REEP1: variants seen among roughly 807,000 people sequenced by gnomAD.
The protein encoded by REEP1 is receptor expression-enhancing protein 1.
In REEP1, 22 loss-of-function variants were observed where a neutral mutation model predicts 40.3. The ratio of observed to expected loss-of-function variants is 0.55; its 90% confidence interval spans 0.39 to 0.78. The LOEUF (loss-of-function observed/expected upper bound fraction) is 0.78. Among genes scored for constraint, REEP1 ranks in the 30% least tolerant of loss-of-function variants. REEP1 has a pLI of 0.00. For synonymous variants in REEP1, 116 were observed against 139.2 expected (o/e 0.83, Z 1.17); for missense variants, 280 against 361.1 (o/e 0.78, Z 1.82).
Position 86,249,619 on chromosome 2 carries a change from A to T in REEP1, c.417+2338T>A, listed in dbSNP as rs183793815. The stretch of plus-strand genomic sequence containing the variant: ...GATTCAGCACATCTGAGAATCTATT[A>T]AAAAAAAAATAAAAAGCAAAGCTCT... On this transcript the variant is annotated intron_variant, in intron 5 of 8. Transcript: ENST00000538924. 4.2e-3 allele frequency among the ~76,000 whole-genome samples: 603 copies of T among 143,334 alleles called. 4 individuals carry two copies. Among genetic ancestry groups the T allele is most frequent in the African/African-American group, 0.016 (562 of 34,924 alleles). The allele number at this position is 143,334 out of a possible 152,430, so 94.0% of individuals were successfully genotyped here.
intron 5 of REEP1, among the ~76,000 whole-genome samples, chr2:86,237,502 T>C (rs1346108724): frequency 6.6e-6 from 1 of 152,162 alleles, no homozygotes; most frequent in Non-Finnish European, 1.5e-5. Flanking sequence ...ATTTTCTTTC[T>C]CTCTTTTTGT....
At chr2:86,269,646 C>T (rs921396963) in intron 2 of REEP1, among the ~76,000 whole-genome samples, 4 of 152,012 alleles carry the variant, frequency 2.6e-5, no homozygotes. Context: ...ACTGAATGGC[C>T]CCTTCCTCCC....
chr2:86,326,316 A>G (rs577092100), intron 1 of REEP1, among the ~76,000 whole-genome samples: 7 of 152,370 alleles, frequency 4.6e-5, no homozygotes, highest in African/African-American at 1.7e-4. Flanking sequence ...GAATCAATCA[A>G]TCAGTCTTGA....
rs1470472189 is a variant in REEP1, at chr2:86,215,586, C to CTGAA, written c.*1449_*1452dup. The CTGAA allele has an allele frequency of 1.3e-5, 2 of 152,598 alleles. No individual in the cohort carries two copies. Among genetic ancestry groups the CTGAA allele is most frequent in the East Asian group, 3.8e-4 (2 of 5,198 alleles). The allele number at this position is 152,598 out of a possible 1,614,324, so 9.5% of individuals were successfully genotyped here. A position where few individuals can be genotyped will look rare whatever the true frequency, so the allele number is the denominator to read the frequency against. ...GGTTGTGACCACTGCATGCATTACA[C>CTGAA]TGAAAGAAACACCAACTCGAAGCAC... On this transcript the variant is annotated 3_prime_UTR_variant, in exon 9 of 9. Coordinates refer to ENST00000538924, the MANE Select transcript of REEP1 (RefSeq NM_001371279.1).
chr2:86,312,731 G>C (rs765358156), intron 1 of REEP1, among the ~76,000 whole-genome samples: 1 of 152,122 alleles, frequency 6.6e-6, no homozygotes, highest in Non-Finnish European at 1.5e-5. Context: ...TACCCCATGG[G>C]GCTACAGTCA....
At chr2:86,231,682 T>G (rs1353654929) in intron 6 of REEP1, among the ~76,000 whole-genome samples, 2 of 151,940 alleles carry the variant, frequency 1.3e-5, no homozygotes, top group Admixed American at 6.5e-5. Context: ...GAGGCAGAAG[T>G]GGTGATCCAG....
chr2:86,329,024 C>T (rs892697216), intron 1 of REEP1, among the ~76,000 whole-genome samples: 1 of 152,162 alleles, frequency 6.6e-6, no homozygotes, highest in Non-Finnish European at 1.5e-5. Flanking sequence ...GTCACACAGA[C>T]TTGAAGGATG....
In REEP1 at chr2:86,252,073, G is replaced by A. The variant is rs1676314210; in HGVS notation, c.304-3C>T. On this transcript the variant is annotated splice_region_variant and splice_polypyrimidine_tract_variant and intron_variant, in intron 4 of 8. Transcript: ENST00000538924. The stretch of plus-strand genomic sequence containing the variant: ...TGGACCAGACAATCATCGATTTCCT[G>A]TCAAAGGAAAAACAGAGGCACACTG... 1 of 1,602,914 alleles carries A rather than the reference G, an allele frequency of 6.2e-7. No individual in the cohort carries two copies.
chr2:86,227,254 A>G, intron 7 of REEP1, 109 bp downstream of exon 7: 1 of 870,056 alleles, frequency 1.1e-6, no homozygotes, highest in Non-Finnish European at 1.5e-6. Context: ...ACCCCTCCCT[A>G]TGACCATGCA....
At chr2:86,307,043 A>G (rs1407808820) in intron 1 of REEP1, among the ~76,000 whole-genome samples, 1 of 152,036 alleles carries the variant, frequency 6.6e-6, no homozygotes, top group Non-Finnish European at 1.5e-5. Context: ...CATCTTTACT[A>G]AAAATATAAA....
chr2:86,302,534 A>G (rs950641756), intron 1 of REEP1, among the ~76,000 whole-genome samples: 9 of 152,230 alleles, frequency 5.9e-5, no homozygotes, highest in Non-Finnish European at 1.3e-4. Context: ...TATCCAAAAG[A>G]AATCATCAGA....
At chr2:86,287,027 G>C (rs1678432236) in intron 1 of REEP1, among the ~76,000 whole-genome samples, 1 of 152,168 alleles carries the variant, frequency 6.6e-6, no homozygotes. Flanking sequence ...CTGGAATGCT[G>C]TGTTTCTTGA....
intron 8 of REEP1, among the ~76,000 whole-genome samples, chr2:86,219,329 T>G (rs1674289868): frequency 6.6e-6 from 1 of 152,098 alleles, no homozygotes; most frequent in South Asian, 2.1e-4. Context: ...CCCAAAACAG[T>G]CAATTTGGGT....
Position 86,216,096 on chromosome 2 carries a change from G to A in REEP1, c.*943C>T, listed in dbSNP as rs1674099233. On this transcript the variant is annotated 3_prime_UTR_variant, in exon 9 of 9. Transcript: ENST00000538924. ...GCTCAGAGTGTAAGCTCCTCTGTCA[G>A]GAAATCGGCAGCACTGGTCACGATA... 1 of 152,188 alleles carries A rather than the reference G, an allele frequency of 6.6e-6. No homozygotes were observed. The highest frequency in any genetic ancestry group is 1.5e-5 in the Non-Finnish European group (1 of 68,040). 9.4% of individuals were successfully genotyped at this position (152,188 alleles called of 1,614,324 possible). A position where few individuals can be genotyped will look rare whatever the true frequency, so the allele number is the denominator to read the frequency against.
Position 86,216,373 on chromosome 2 carries a change from G to C in REEP1, c.*666C>G, listed in dbSNP as rs1386615369. The stretch of plus-strand genomic sequence containing the variant: ...GTTTCTCTTAGTTTGTAACTTGTCT[G>C]GTCTTTTGACTAAACAACTATCTAA... On this transcript the variant is annotated 3_prime_UTR_variant, in exon 9 of 9. Coordinates refer to ENST00000538924, the MANE Select transcript of REEP1 (RefSeq NM_001371279.1). 6.6e-6 allele frequency: 1 copy of C among 152,094 alleles called. No homozygotes were observed. The highest frequency in any genetic ancestry group is 2.4e-5 in the African/African-American group (1 of 41,380). 9.4% of individuals were successfully genotyped at this position (152,094 alleles called of 1,614,324 possible).
intron 7 of REEP1, among the ~76,000 whole-genome samples, chr2:86,226,120 T>TCAC (rs1440778889): frequency 8.5e-4 from 35 of 41,144 alleles, no homozygotes; most frequent in Non-Finnish European, 1.2e-3. Context: ...ACCACCATCA[T>TCAC]CACCACCACC....
chr2:86,284,242 C>G (rs57006782), intron 1 of REEP1, among the ~76,000 whole-genome samples: 10,207 of 152,204 alleles, frequency 0.067, 527 homozygotes, highest in African/African-American at 0.13. Context: ...GTCACCCCCC[C>G]TGACGATTGG....
chr2:86,279,448 A>T (rs1677938289), intron 2 of REEP1, among the ~76,000 whole-genome samples: 1 of 152,226 alleles, frequency 6.6e-6, no homozygotes, highest in South Asian at 2.1e-4. Flanking sequence ...AAGCAGGGAC[A>T]GGAGGCAGGA....
chr2:86,223,614 ACACT>A (rs1020801547), intron 7 of REEP1: 2 of 152,448 alleles, frequency 1.3e-5, no homozygotes, highest in East Asian at 1.9e-4. Flanking sequence ...ACACACAGAC[ACACT>A]CACATACACA....
Sources: gnomAD v4.1 joint callset for allele counts (sites outside exome capture counted in the v4.1 genomes callset) on GRCh38, gnomAD v4.1.1 for gene constraint, MANE v1.5 for transcripts, NCBI Gene and HGNC (gene_info 2026-07-23, HGNC 2026-07-21) for gene names.